Variants in CACNB2 observed in about 807,000 individuals in gnomAD.
CACNB2 encodes calcium voltage-gated channel auxiliary subunit beta 2, also known as voltage-dependent L-type calcium channel subunit beta-2.
A neutral mutation model predicts 73.3 loss-of-function variants in CACNB2; 42 were observed. The observed-to-expected ratio is 0.57, with a 90% CI of 0.45 to 0.74. CACNB2 has a LOEUF of 0.74. CACNB2 is among the 30% of genes least tolerant of loss of function. The pLI is 0.00. For synonymous variants in CACNB2, 348 were observed against 310.3 expected, an observed-to-expected ratio of 1.12 and a Z score of -1.28; for missense variants, 940 against 853.0, an observed-to-expected ratio of 1.10 and a Z score of -1.27.
At chr10:18,196,360 AT>A (rs2034625461) in intron 2 of CACNB2, among the ~76,000 whole-genome samples, 1 of 147,160 alleles carries the variant, frequency 6.8e-6, no homozygotes, top group Admixed American at 7.0e-5. Flanking sequence ...TGGCCTGATC[AT>A]GGCTCATTGC....
chr10:18,288,676 T>TACACACACACAC (rs372916856), intron 2 of CACNB2, among the ~76,000 whole-genome samples: 8,121 of 144,306 alleles, frequency 0.056, 255 homozygotes, highest in African/African-American at 0.08. Context: ...ATGAGATTTA[T>TACACACACACAC]ACACACACAC....
At chr10:18,296,391 A>C (rs1261401154) in intron 2 of CACNB2, among the ~76,000 whole-genome samples, 1 of 152,158 alleles carries the variant, frequency 6.6e-6, no homozygotes, top group African/African-American at 2.4e-5. Flanking sequence ...CTGGTGATAC[A>C]GATACGCTAT....
chr10:18,536,233 G>A (rs1447381022), intron 12 of CACNB2, 37 bp downstream of exon 12: 3 of 475,264 alleles, frequency 6.3e-6, no homozygotes, highest in South Asian at 1.8e-5. Context: ...TCCAGTTACA[G>A]AGATCAGACC....
intron 2 of CACNB2, among the ~76,000 whole-genome samples, chr10:18,265,203 C>T (rs970976209): frequency 3.6e-5 from 5 of 139,678 alleles, no homozygotes; most frequent in African/African-American, 1.3e-4. Flanking sequence ...CAGGCTGAAG[C>T]GTAGTGGCAC....
chr10:18,528,017 T>C (rs1160409041), intron 10 of CACNB2, among the ~76,000 whole-genome samples: 1 of 152,192 alleles, frequency 6.6e-6, no homozygotes, highest in African/African-American at 2.4e-5. Context: ...TTTATTAACC[T>C]TTTGAAGCCT....
At chr10:18,504,647 G>A (rs891268216) in intron 5 of CACNB2, among the ~76,000 whole-genome samples, 1 of 151,208 alleles carries the variant, frequency 6.6e-6, no homozygotes, top group Non-Finnish European at 1.5e-5. Context: ...TTTTGTGTGT[G>A]TGTGTGCGTG....
chr10:18,429,681 A>G (rs1437553777), intron 3 of CACNB2, among the ~76,000 whole-genome samples: 1 of 117,764 alleles, frequency 8.5e-6, no homozygotes, highest in Admixed American at 8.5e-5. Context: ...AAAAAAAAAA[A>G]CCAAATTAAC....
chr10:18,257,750 C>T (rs2037344667), intron 2 of CACNB2, among the ~76,000 whole-genome samples: 1 of 152,044 alleles, frequency 6.6e-6, no homozygotes, highest in African/African-American at 2.4e-5. Context: ...TGTTCTCTTT[C>T]CTCTGTTTTT....
chr10:18,330,746 G>T (rs898955371), intron 2 of CACNB2, among the ~76,000 whole-genome samples: 56 of 151,732 alleles, frequency 3.7e-4, no homozygotes, highest in Middle Eastern at 3.4e-3. Flanking sequence ...TCGACTCACT[G>T]CAACCTCTGC....
At chr10:18,417,360 C>CTT (rs34847923) in intron 3 of CACNB2, among the ~76,000 whole-genome samples, 363 of 87,002 alleles carry the variant, frequency 4.2e-3, no homozygotes, top group African/African-American at 8.2e-3. Context: ...GCTAAAAATT[C>CTT]TTTTTTTTTT....
intron 3 of CACNB2, among the ~76,000 whole-genome samples, chr10:18,402,371 G>C (rs527863348): frequency 1.6e-5 from 2 of 126,622 alleles, no homozygotes; most frequent in South Asian, 5.5e-4. Context: ...CATTTCCACA[G>C]TAAACTATAT....
intron 3 of CACNB2, among the ~76,000 whole-genome samples, chr10:18,492,218 C>T (rs2049478413): frequency 6.6e-6 from 1 of 152,176 alleles, no homozygotes; most frequent in South Asian, 2.1e-4. Context: ...GATCCAATCA[C>T]CTCCTACCAG....
intron 6 of CACNB2, among the ~76,000 whole-genome samples, chr10:18,507,933 A>G (rs754313367): frequency 7.2e-5 from 11 of 152,156 alleles, no homozygotes; most frequent in Admixed American, 1.3e-4. Flanking sequence ...CTTCTTAGCA[A>G]AAACTATAGG....
At chr10:18,421,822 C>G (rs768110539) in intron 3 of CACNB2, among the ~76,000 whole-genome samples, 4 of 152,148 alleles carry the variant, frequency 2.6e-5, no homozygotes, top group Non-Finnish European at 5.9e-5. Flanking sequence ...CAGCCTTTTT[C>G]CTTTTAGAGT....
intron 2 of CACNB2, among the ~76,000 whole-genome samples, chr10:18,397,338 G>T (rs6482384): frequency 0.3 from 45,332 of 151,906 alleles, 6,945 homozygotes; most frequent in Middle Eastern, 0.39. Context: ...GGTGGCGCAT[G>T]CCTGTAATTT....
intron 2 of CACNB2, among the ~76,000 whole-genome samples, chr10:18,277,988 A>G (rs1235671863): frequency 6.6e-6 from 1 of 152,194 alleles, no homozygotes; most frequent in East Asian, 1.9e-4. Context: ...CAAATCTTGG[A>G]TTTAAGTGAG....
chr10:18,535,968 A>ATCTTATAGCTCCATCTATT lies in CACNB2; in HGVS notation c.1207-132_1207-114dup, dbSNP rs2053531637. The ATCTTATAGCTCCATCTATT allele has an allele frequency of 4.8e-6, 3 of 628,162 alleles. No individual in the cohort carries two copies. In the East Asian group the frequency reaches 8.5e-5, roughly 18 times the overall value. The allele number at this position is 628,162 out of a possible 1,614,324, so 38.9% of individuals were successfully genotyped here. On this transcript the variant is annotated intron_variant, in intron 11 of 13. Transcript: ENST00000324631. The stretch of plus-strand genomic sequence containing the variant: ...TGTTAACATGTTAATTTTGCAGATA[A>ATCTTATAGCTCCATCTATT]TCTTATAGCTCCATCTATTATAAGC...
chr10:18,440,642 C>T (rs1475984706), intron 3 of CACNB2, among the ~76,000 whole-genome samples: 1 of 150,776 alleles, frequency 6.6e-6, no homozygotes, highest in South Asian at 2.1e-4. Flanking sequence ...CCCTATCCCC[C>T]ACCCCCCAGA....
intron 2 of CACNB2, among the ~76,000 whole-genome samples, chr10:18,356,250 C>G (rs2041903541): frequency 6.6e-6 from 1 of 152,148 alleles, no homozygotes; most frequent in Admixed American, 6.5e-5. Flanking sequence ...TGCAACTATC[C>G]CAACTGCCCA....
Sources: gnomAD v4.1 joint callset for allele counts (sites outside exome capture counted in the v4.1 genomes callset) on GRCh38, gnomAD v4.1.1 for gene constraint, MANE v1.5 for transcripts, NCBI Gene and HGNC (gene_info 2026-07-23, HGNC 2026-07-21) for gene names.